ADCY10: variants seen among roughly 807,000 people sequenced by gnomAD.
ADCY10 encodes the protein adenylate cyclase type 10.
ADCY10 carries 156 observed loss-of-function variants against 183.3 expected under a neutral mutation model. The observed-to-expected ratio is 0.85, with a 90% confidence interval of 0.75 to 0.97. The LOEUF (loss-of-function observed/expected upper bound fraction) is 0.97. Among genes scored for constraint, ADCY10 ranks in the 50% least tolerant of loss-of-function variants. The pLI, the probability that ADCY10 is intolerant of heterozygous loss-of-function variation, is 0.00. For synonymous variants in ADCY10, 645 were observed against 670.0 expected (o/e 0.96, Z 0.58); for missense variants, 1,745 against 1,934.3 (o/e 0.90, Z 1.84).
chr1:167,861,507 G>C (rs1237465240), intron 14 of ADCY10, among the ~76,000 whole-genome samples: 1 of 152,188 alleles, frequency 6.6e-6, no homozygotes, highest in Non-Finnish European at 1.5e-5. Context: ...CACACCCAGA[G>C]CTATTTCTCC....
Position 167,829,340 on chromosome 1 carries a change from T to A in ADCY10, c.3677A>T (p.His1226Leu). 6.2e-7 allele frequency: 1 copy of A among 1,614,094 alleles called. No homozygotes were observed. The highest frequency in any genetic ancestry group is 1.1e-5 in the South Asian group (1 of 91,078). ...WRIYSYSYLF[H>L]CKYYAHLAVM... ...TGCCAGGTGGGCATAATACTTGCAGTGAAAAAGATAACTGTAGCTATAGAT... is the reference window on the plus strand; with the variant it reads ...TGCCAGGTGGGCATAATACTTGCAGAGAAAAAGATAACTGTAGCTATAGAT... The change falls in exon 26 of 33, where the codon CAC becomes CTC. Residue 1226 changes from histidine (H) to leucine (L), a missense_variant. By Grantham distance (99) the His-to-Leu change is moderately conservative. Coordinates refer to ENST00000367851, the MANE Select transcript of ADCY10 (RefSeq NM_018417.6).
At chr1:167,880,648 G>T in intron 9 of ADCY10, 39 bp from the exon 10 acceptor site, 1 of 1,490,956 alleles carries the variant, frequency 6.7e-7, no homozygotes, top group Non-Finnish European at 9.4e-7. Flanking sequence ...CTGATGGACA[G>T]TGTGCTTTAA....
chr1:167,906,756 T>C (rs966560896), intron 1 of ADCY10, among the ~76,000 whole-genome samples: 1 of 152,092 alleles, frequency 6.6e-6, no homozygotes, highest in African/African-American at 2.4e-5. Context: ...GTCACTGCAC[T>C]CTATCCTAGG....
chr1:167,817,770 CAATTT>C (rs1280622776), intron 31 of ADCY10, among the ~76,000 whole-genome samples: 1 of 152,080 alleles, frequency 6.6e-6, no homozygotes, highest in African/African-American at 2.4e-5. Context: ...ATGTGAAAAA[CAATTT>C]AATGACAGGA....
chr1:167,822,993 C>G lies in ADCY10; in HGVS notation c.4168+15G>C. On this transcript the variant is annotated intron_variant, in intron 29 of 32. Coordinates refer to ENST00000367851, the MANE Select transcript of ADCY10 (RefSeq NM_018417.6). ...AACACCCCCAAGTTCTTTTACATCC[C>G]AAACCCACACTTACCAGAATAAAGC... The G allele has an allele frequency of 2.5e-6, 4 of 1,611,930 alleles. No homozygotes were observed. Among genetic ancestry groups the G allele is most frequent in the Non-Finnish European group, 3.4e-6 (4 of 1,178,090 alleles).
chr1:167,894,199 T>C (rs1668803864), intron 7 of ADCY10, among the ~76,000 whole-genome samples: 1 of 152,162 alleles, frequency 6.6e-6, no homozygotes, highest in Admixed American at 6.5e-5. Context: ...CTTTGGGACT[T>C]AGGGAGATTT....
intron 8 of ADCY10, among the ~76,000 whole-genome samples, chr1:167,883,939 T>C (rs1478737125): frequency 6.6e-6 from 1 of 152,224 alleles, no homozygotes; most frequent in African/African-American, 2.4e-5. Context: ...TTGGCTCTCC[T>C]ATTTTTAAAA....
At chr1:167,894,350 G>A (rs1322212424) in intron 7 of ADCY10, among the ~76,000 whole-genome samples, 2 of 152,128 alleles carry the variant, frequency 1.3e-5, no homozygotes, top group Admixed American at 1.3e-4. Flanking sequence ...AAGAAGACTG[G>A]TTTCTGATCT....
intron 12 of ADCY10, among the ~76,000 whole-genome samples, chr1:167,877,783 C>T (rs1358188942): frequency 6.6e-6 from 1 of 152,084 alleles, no homozygotes; most frequent in Non-Finnish European, 1.5e-5. Context: ...TCTATGAATC[C>T]CTCGAGCTGG....
intron 21 of ADCY10, among the ~76,000 whole-genome samples, chr1:167,844,214 G>A (rs1664843835): frequency 1.3e-5 from 2 of 152,176 alleles, no homozygotes; most frequent in African/African-American, 4.8e-5. Flanking sequence ...CATCTTCCCT[G>A]CCCAGTGCAG....
intron 12 of ADCY10, among the ~76,000 whole-genome samples, chr1:167,875,901 C>T (rs764100924): frequency 6.6e-6 from 1 of 151,852 alleles, no homozygotes; most frequent in East Asian, 1.9e-4. Flanking sequence ...TGCAGTGAGC[C>T]GAGATCGCAC....
At chr1:167,887,562 G>C (rs1668311657) in intron 8 of ADCY10, among the ~76,000 whole-genome samples, 2 of 152,052 alleles carry the variant, frequency 1.3e-5, no homozygotes, top group African/African-American at 4.8e-5. Flanking sequence ...GGGGGAAGGG[G>C]GAGGGATAGC....
At chr1:167,853,198 GT>G (rs1468537583) in intron 18 of ADCY10, among the ~76,000 whole-genome samples, 1 of 152,024 alleles carries the variant, frequency 6.6e-6, no homozygotes, top group African/African-American at 2.4e-5. Flanking sequence ...AATACACGTC[GT>G]GCTTATAGCT....
intron 1 of ADCY10, among the ~76,000 whole-genome samples, chr1:167,909,000 C>T (rs1260790903): frequency 6.6e-6 from 1 of 152,076 alleles, no homozygotes; most frequent in Non-Finnish European, 1.5e-5. Context: ...CGTGTAATAC[C>T]CATTCATAGC....
intron 10 of ADCY10, 61 bp downstream of exon 10, chr1:167,880,430 C>T (rs970342147): frequency 1.6e-6 from 2 of 1,225,426 alleles, no homozygotes; most frequent in African/African-American, 1.5e-5. Flanking sequence ...CCTGCATGCC[C>T]TCCCTACTTA....
At chr1:167,858,317 C>G (rs1029504082) in intron 16 of ADCY10, among the ~76,000 whole-genome samples, 9 of 151,640 alleles carry the variant, frequency 5.9e-5, no homozygotes, top group Non-Finnish European at 1.3e-4. Context: ...GGCCAACATA[C>G]TGAAACCCCA....
Position 167,880,160 on chromosome 1 carries a change from C to T in ADCY10, c.1171G>A (p.Val391Ile). The change falls in exon 11 of 33, where the codon GTC (valine) becomes ATC (isoleucine). Residue 391 changes from valine to isoleucine, a missense_variant. Physicochemically the swap from Val to Ile is conservative, Grantham distance 29. Coordinates refer to ENST00000367851, the MANE Select transcript of ADCY10 (RefSeq NM_018417.6). ...TVSIGVASGIVFCGIVGHTVR... is the reference protein window; with the variant it reads ...TVSIGVASGIIFCGIVGHTVR... Reference sequence around the variant, plus strand: ...GTGTGTCCAACGATCCCACAGAAGACAATCCCACTGGCAACACCGATGGAT... The same window carrying T: ...GTGTGTCCAACGATCCCACAGAAGATAATCCCACTGGCAACACCGATGGAT... The T allele has an allele frequency of 6.2e-7, 1 of 1,613,486 alleles. No homozygotes were observed. Among genetic ancestry groups the T allele is most frequent in the Non-Finnish European group, 8.5e-7 (1 of 1,179,834 alleles).
At chr1:167,814,389 T>C (rs897776851) in intron 31 of ADCY10, among the ~76,000 whole-genome samples, 31 of 151,722 alleles carry the variant, frequency 2.0e-4, no homozygotes, top group African/African-American at 7.2e-4. Flanking sequence ...AATATATTAA[T>C]AAAAATTTAA....
chr1:167,824,303 A>G lies in ADCY10; in HGVS notation c.4052+173T>C, dbSNP rs141349416. 2.2e-3 allele frequency among the ~76,000 whole-genome samples: 334 copies of G among 152,286 alleles called. 1 individual carries two copies. Among genetic ancestry groups the G allele is most frequent in the African/African-American group, 7.8e-3 (322 of 41,544 alleles). ...GCACTACTGCACTCCAGCCTGGGAG[A>G]CAGAGCAAGACTCTGTCTGAAAAAA... On this transcript the variant is annotated intron_variant, in intron 28 of 32. Transcript: ENST00000367851.
Sources: gnomAD v4.1 joint callset for allele counts (sites outside exome capture counted in the v4.1 genomes callset) on GRCh38, gnomAD v4.1.1 for gene constraint, MANE v1.5 for transcripts, NCBI Gene and HGNC (gene_info 2026-07-23, HGNC 2026-07-21) for gene names.